The following CRIM1 variants were observed in gnomAD, a reference collection of about 807,000 sequenced individuals.
CRIM1 encodes the protein cysteine-rich motor neuron 1 protein.
Under a neutral mutation model 116.4 loss-of-function variants are expected in CRIM1, and 32 were observed. The observed-to-expected ratio is 0.27, with a 90% confidence interval of 0.21 to 0.37. The LOEUF (loss-of-function observed/expected upper bound fraction) is 0.37. CRIM1 is among the 10% of genes least tolerant of loss of function. CRIM1 has a pLI of 1.00. For synonymous variants in CRIM1, 590 were observed against 509.2 expected (o/e 1.16, Z -2.13); for missense variants, 1,331 against 1,354.8 (o/e 0.98, Z 0.28).
At chr2:36,378,425 C>T (rs1670481718) in intron 1 of CRIM1, 5 of 470,952 alleles carry the variant, frequency 1.1e-5, no homozygotes, top group East Asian at 1.4e-4. Context: ...AAATGGTCCC[C>T]CAAATGGTCC....
chr2:36,527,556 A>G (rs557783010), intron 13 of CRIM1, among the ~76,000 whole-genome samples: 11 of 152,160 alleles, frequency 7.2e-5, no homozygotes, highest in African/African-American at 1.7e-4. Context: ...ATTAAATAAT[A>G]CTTAACCTTA....
chr2:36,462,571 C>G (rs987240339), intron 4 of CRIM1, among the ~76,000 whole-genome samples: 1 of 152,196 alleles, frequency 6.6e-6, no homozygotes, highest in African/African-American at 2.4e-5. Context: ...TGACTGTACA[C>G]TCTCAGGTGT....
intron 7 of CRIM1, among the ~76,000 whole-genome samples, chr2:36,491,132 A>C (rs1680197555): frequency 6.6e-6 from 1 of 152,226 alleles, no homozygotes; most frequent in Non-Finnish European, 1.5e-5. Context: ...GGGTAGTTCC[A>C]GAAGTGAATT....
chr2:36,524,644 T>G (rs756794497), intron 13 of CRIM1, among the ~76,000 whole-genome samples: 1 of 152,182 alleles, frequency 6.6e-6, no homozygotes, highest in South Asian at 2.1e-4. Context: ...TTGTGTAAAT[T>G]TATTGTTGTT....
At chr2:36,546,316 A>G (rs767903678) in intron 15 of CRIM1, among the ~76,000 whole-genome samples, 15 of 152,188 alleles carry the variant, frequency 9.9e-5, no homozygotes, top group Non-Finnish European at 1.9e-4. Context: ...ATATTTTAAA[A>G]GAACATAAAG....
intron 1 of CRIM1, among the ~76,000 whole-genome samples, chr2:36,376,051 C>T (rs564911235): frequency 1.3e-5 from 2 of 152,092 alleles, no homozygotes; most frequent in South Asian, 4.2e-4. Context: ...AAGCTGACAC[C>T]CATTAGAAAA....
intron 13 of CRIM1, among the ~76,000 whole-genome samples, chr2:36,532,705 G>T (rs111597944): frequency 2.0e-5 from 3 of 152,160 alleles, no homozygotes; most frequent in Non-Finnish European, 4.4e-5. Flanking sequence ...AACCAGACCC[G>T]CTGTGGTTCC....
chr2:36,525,523 C>G (rs986856479), intron 13 of CRIM1, among the ~76,000 whole-genome samples: 1 of 152,208 alleles, frequency 6.6e-6, no homozygotes, highest in Non-Finnish European at 1.5e-5. Context: ...CATGGAAACA[C>G]ACCATCAGGC....
intron 11 of CRIM1, among the ~76,000 whole-genome samples, chr2:36,515,951 C>T (rs1665005582): frequency 6.6e-6 from 1 of 152,210 alleles, no homozygotes; most frequent in African/African-American, 2.4e-5. Context: ...TCTTGTTCAG[C>T]ACAGTTTTCA....
chr2:36,363,199 C>CA (rs200110269), intron 1 of CRIM1, among the ~76,000 whole-genome samples: 2,818 of 70,034 alleles, frequency 0.04, 72 homozygotes, highest in African/African-American at 0.11. Flanking sequence ...GACCCTGTCT[C>CA]AAAAAAAAAA....
chr2:36,536,208 A>G (rs542252594), intron 13 of CRIM1, among the ~76,000 whole-genome samples: 3 of 152,298 alleles, frequency 2.0e-5, no homozygotes, highest in Middle Eastern at 6.8e-3. Flanking sequence ...TGATGCCATT[A>G]TGGGCTTCTC....
At chr2:36,508,471 G>A (rs939369795) in intron 8 of CRIM1, among the ~76,000 whole-genome samples, 7 of 152,120 alleles carry the variant, frequency 4.6e-5, no homozygotes, top group Admixed American at 4.6e-4. Context: ...TGACTTCTGT[G>A]TTATTACAAT....
intron 16 of CRIM1, among the ~76,000 whole-genome samples, chr2:36,547,814 G>A (rs1226166094): frequency 6.6e-6 from 1 of 152,090 alleles, no homozygotes; most frequent in East Asian, 1.9e-4. Flanking sequence ...AGAAAAAACT[G>A]TATTAATTAA....
At chr2:36,513,410 C>A (rs1187640343) in intron 10 of CRIM1, 146 bp from the exon 11 acceptor site, 2 of 640,126 alleles carry the variant, frequency 3.1e-6, no homozygotes, top group Non-Finnish European at 5.6e-6. Context: ...GACTTAAATT[C>A]TTTTCATGAA....
rs144817795 is a variant in CRIM1 at position 36,495,287 on chromosome 2, T to G, written c.1373-3932T>G. The stretch of plus-strand genomic sequence containing the variant: ...ATGTAGGATTTAAATGAGAATCTTC[T>G]GGTCTTCAGACCAAAATCCGACAGG... On this transcript the variant is annotated intron_variant, in intron 7 of 16. Coordinates refer to ENST00000280527, the MANE Select transcript of CRIM1 (RefSeq NM_016441.3). Among the ~76,000 whole-genome samples, 356 of 152,256 alleles carry G rather than the reference T, an allele frequency of 2.3e-3. 2 individuals carry two copies. Among genetic ancestry groups the G allele is most frequent in the African/African-American group, 8.0e-3 (331 of 41,558 alleles).
chr2:36,442,793 A>G, intron 4 of CRIM1, 58 bp downstream of exon 4: 2 of 1,601,350 alleles, frequency 1.2e-6, no homozygotes, highest in Non-Finnish European at 1.7e-6. Flanking sequence ...CATCTAAGGT[A>G]CATTTTGAGC....
Position 36,544,397 on chromosome 2 carries a change from C to T in CRIM1, c.2645C>T (p.Thr882Ile). 1 of 1,397,432 alleles carries T rather than the reference C, an allele frequency of 7.2e-7. No homozygotes were observed. The highest frequency in any genetic ancestry group is 2.7e-5 in the Admixed American group (1 of 36,522). 86.6% of individuals were successfully genotyped at this position (1,397,432 alleles called of 1,614,324 possible). A position where few individuals can be genotyped will look rare whatever the true frequency, so the allele number is the denominator to read the frequency against. The change falls in exon 15 of 17, where the codon ACC becomes ATC. Residue 882 changes from threonine to isoleucine, a missense_variant. Coordinates refer to ENST00000280527, the MANE Select transcript of CRIM1 (RefSeq NM_016441.3). Reference sequence around the variant, plus strand: ...TTAGAAATGTATGTCCCAGAACCAACCAATATACCCATTGAGAAGACAAAC... The same window carrying T: ...TTAGAAATGTATGTCCCAGAACCAATCAATATACCCATTGAGAAGACAAAC... ...MCPEMYVPEP[T>I]NIPIEKTNHR...
At chr2:36,359,991 C>T (rs1669113838) in intron 1 of CRIM1, among the ~76,000 whole-genome samples, 1 of 152,168 alleles carries the variant, frequency 6.6e-6, no homozygotes, top group Non-Finnish European at 1.5e-5. Context: ...AAGTGTGGAT[C>T]CTGAACCCCT....
intron 2 of CRIM1, among the ~76,000 whole-genome samples, chr2:36,434,431 G>T (rs1218349164): frequency 6.6e-6 from 1 of 152,198 alleles, no homozygotes; most frequent in African/African-American, 2.4e-5. Context: ...TCTTGCTTTT[G>T]GCATTATGGA....
Sources: allele counts gnomAD v4.1 joint callset (sites outside exome capture counted in the v4.1 genomes callset), GRCh38; gene constraint gnomAD v4.1.1; transcripts MANE v1.5; gene names NCBI Gene and HGNC (gene_info 2026-07-23, HGNC 2026-07-21).